Variants in STPG2 observed in about 807,000 individuals in gnomAD.
The protein encoded by STPG2 is sperm-tail PG-rich repeat-containing protein 2.
A neutral mutation model predicts 54.2 loss-of-function variants in STPG2; 56 were observed. The ratio of observed to expected loss-of-function variants is 1.03; its 90% CI spans 0.83 to 1.29. The LOEUF is 1.29. Ranked by LOEUF, STPG2 falls within the 50% of genes most tolerant of loss-of-function variation. The pLI, the probability that STPG2 is intolerant of heterozygous loss-of-function variation, is 0.00. For synonymous variants in STPG2, 200 were observed against 181.8 expected (o/e 1.10, Z -0.81); for missense variants, 596 against 544.9 (o/e 1.09, Z -0.93).
At chr4:98,114,149 T>C (rs1479067471) in intron 3 of STPG2, among the ~76,000 whole-genome samples, 22 of 152,070 alleles carry the variant, frequency 1.4e-4, no homozygotes, top group Non-Finnish European at 1.5e-5. Flanking sequence ...CAACACTTTC[T>C]CTTGCTAAAG....
At chr4:97,682,641 T>C (rs1440424156) in intron 10 of STPG2, among the ~76,000 whole-genome samples, 3 of 151,946 alleles carry the variant, frequency 2.0e-5, no homozygotes, top group African/African-American at 4.8e-5. Flanking sequence ...TTAGTACTTA[T>C]GTATATTGAC....
intron 4 of STPG2, among the ~76,000 whole-genome samples, chr4:97,481,890 T>C (rs550571262): frequency 2.6e-5 from 4 of 151,610 alleles, no homozygotes; most frequent in Non-Finnish European, 5.9e-5. Flanking sequence ...GAATAGGAGA[T>C]GTGAACACAG....
intron 4 of STPG2, among the ~76,000 whole-genome samples, chr4:97,504,102 A>G (rs942995543): frequency 6.9e-6 from 1 of 144,540 alleles, no homozygotes; most frequent in African/African-American, 2.5e-5. Context: ...AATATTTAAT[A>G]AATAAATAAA....
intron 4 of STPG2, among the ~76,000 whole-genome samples, chr4:97,474,661 G>A (rs1278198599): frequency 6.6e-6 from 1 of 151,986 alleles, no homozygotes; most frequent in Non-Finnish European, 1.5e-5. Context: ...CTACATTAAT[G>A]TCATTACTTT....
intron 3 of STPG2, among the ~76,000 whole-genome samples, chr4:98,113,896 T>C (rs1483687362): frequency 6.6e-6 from 1 of 151,926 alleles, no homozygotes; most frequent in Admixed American, 6.6e-5. Context: ...CCAAAGGCAT[T>C]GGGTTTGGTG....
intron 10 of STPG2, among the ~76,000 whole-genome samples, chr4:97,686,782 G>A (rs1480792775): frequency 3.3e-5 from 5 of 151,788 alleles, no homozygotes; most frequent in African/African-American, 9.7e-5. Context: ...AACATATCAC[G>A]GTAGTAAATC....
intron 10 of STPG2, among the ~76,000 whole-genome samples, chr4:97,587,743 C>T (rs909770258): frequency 7.9e-5 from 12 of 151,944 alleles, no homozygotes; most frequent in African/African-American, 2.4e-5. Context: ...CCTATTATAA[C>T]TCTGGCCCCA....
At chr4:97,503,668 G>C in intron 4 of STPG2, among the ~76,000 whole-genome samples, 1 of 150,704 alleles carries the variant, frequency 6.6e-6, no homozygotes, top group Middle Eastern at 3.5e-3. Flanking sequence ...ATCTCCTTAT[G>C]TTTAAATATA....
intron 5 of STPG2, among the ~76,000 whole-genome samples, chr4:98,038,917 C>A (rs952234498): frequency 2.0e-5 from 3 of 151,900 alleles, no homozygotes; most frequent in Non-Finnish European, 2.9e-5. Flanking sequence ...TGTCAACTTA[C>A]ATAGTAAAAA....
intron 9 of STPG2, among the ~76,000 whole-genome samples, chr4:97,822,820 C>A (rs1728130097): frequency 6.6e-6 from 1 of 152,128 alleles, no homozygotes; most frequent in Non-Finnish European, 1.5e-5. Context: ...CCCCCATGAC[C>A]CAAACTCTTC....
chr4:97,931,611 A>G (rs1732547496), intron 8 of STPG2, among the ~76,000 whole-genome samples: 1 of 152,088 alleles, frequency 6.6e-6, no homozygotes, highest in Non-Finnish European at 1.5e-5. Context: ...TTTTTGCATC[A>G]ATATTCAATA....
At chr4:97,521,160 C>G (rs151117197) in intron 4 of STPG2, among the ~76,000 whole-genome samples, 48 of 152,044 alleles carry the variant, frequency 3.2e-4, no homozygotes, top group African/African-American at 1.1e-3. Context: ...CTCAAATATT[C>G]CATGATCATT....
chr4:97,810,855 A>G (rs1013740897), intron 9 of STPG2, among the ~76,000 whole-genome samples: 1 of 152,200 alleles, frequency 6.6e-6, no homozygotes, highest in Admixed American at 6.5e-5. Flanking sequence ...TTAAGAAACC[A>G]GGTACTTAAA....
intron 4 of STPG2, among the ~76,000 whole-genome samples, chr4:97,547,822 G>T (rs1421288621): frequency 1.3e-5 from 2 of 152,130 alleles, no homozygotes; most frequent in East Asian, 1.9e-4. Context: ...ATTCGAGGAA[G>T]GGAGCTCTAT....
intron 7 of STPG2, among the ~76,000 whole-genome samples, chr4:97,961,708 T>C (rs1042518296): frequency 1.3e-5 from 2 of 151,816 alleles, no homozygotes; most frequent in East Asian, 3.9e-4. Context: ...CAAAAAATAA[T>C]AGATGTTAGT....
intron 3 of STPG2, among the ~76,000 whole-genome samples, chr4:98,110,095 T>C (rs1527514): frequency 0.86 from 130,801 of 152,078 alleles, 56,394 homozygotes; most frequent in Middle Eastern, 0.97. Flanking sequence ...GTATTTACTA[T>C]AATTTCCATA....
intron 5 of STPG2, among the ~76,000 whole-genome samples, chr4:98,022,383 A>G (rs1206348024): frequency 6.6e-6 from 1 of 152,128 alleles, no homozygotes; most frequent in Non-Finnish European, 1.5e-5. Flanking sequence ...CTGCCAAGAG[A>G]TCCACTGTTA....
intron 4 of STPG2, among the ~76,000 whole-genome samples, chr4:97,520,800 C>T (rs534140737): frequency 1.5e-3 from 233 of 151,980 alleles, no homozygotes; most frequent in African/African-American, 5.4e-3. Context: ...AATGATCTTA[C>T]ATGGAGAATA....
intron 10 of STPG2, among the ~76,000 whole-genome samples, chr4:97,608,149 C>T (rs1420652643): frequency 1.3e-5 from 2 of 151,960 alleles, no homozygotes; most frequent in African/African-American, 4.8e-5. Context: ...GCAGTCGAGT[C>T]AGTTTCACAG....
Sources: gnomAD v4.1 joint callset for allele counts (sites outside exome capture counted in the v4.1 genomes callset) on GRCh38, gnomAD v4.1.1 for gene constraint, MANE v1.5 for transcripts, NCBI Gene and HGNC (gene_info 2026-07-23, HGNC 2026-07-21) for gene names.